LARGE1: variants seen among roughly 807,000 people sequenced by gnomAD.
LARGE1 encodes the protein xylosyl- and glucuronyltransferase LARGE1.
A neutral mutation model predicts 87.6 loss-of-function variants in LARGE1; 43 were observed. The ratio of observed to expected loss-of-function variants is 0.49; its 90% confidence interval spans 0.38 to 0.63. LARGE1 has a LOEUF of 0.63. Among genes scored for constraint, LARGE1 ranks in the 30% least tolerant of loss-of-function variants. The probability of loss-of-function intolerance (pLI) is 0.00; values close to 1 mark genes in which losing one functional copy is unlikely to be tolerated. For missense variants in LARGE1, 802 were observed against 1,000.2 expected, an observed-to-expected ratio of 0.80 and a Z score of 2.67; for synonymous variants, 434 against 394.6, an observed-to-expected ratio of 1.10 and a Z score of -1.18.
chr22:33,185,985 T>C lies in LARGE1; in HGVS notation c.1731-19153A>G, dbSNP rs767837149. Among the ~76,000 whole-genome samples, 12 of 151,998 alleles carry C rather than the reference T, an allele frequency of 7.9e-5. 1 individual carries two copies. The highest frequency in any genetic ancestry group is 4.1e-4 in the South Asian group (2 of 4,830). On this transcript the variant is annotated intron_variant, in intron 11 of 11. Coordinates refer to the LARGE1 transcript ENST00000608642. ...CTTATCAAACCAGCACAAGATAAAA[T>C]AGAAAATCTGAATTACTCTGTAGCT...
At chr22:33,485,464 C>T (rs1490364090) in intron 6 of LARGE1, among the ~76,000 whole-genome samples, 1 of 152,122 alleles carries the variant, frequency 6.6e-6, no homozygotes, top group African/African-American at 2.4e-5. Context: ...TCTGCCACCC[C>T]CTCGGCCTCC....
intron 1 of LARGE1, among the ~76,000 whole-genome samples, chr22:33,809,063 G>A (rs2086407793): frequency 6.6e-6 from 1 of 150,874 alleles, no homozygotes. Context: ...CCCGAGGTCA[G>A]GAGTTCAAGA....
chr22:33,277,339 G>T, intron 13 of LARGE1, 84 bp from the exon 14 acceptor site: 1 of 1,267,410 alleles, frequency 7.9e-7, no homozygotes, highest in South Asian at 1.3e-5. Context: ...AAGAAGGGGT[G>T]TACACTGATG....
chr22:33,616,581 T>C (rs2079588465), intron 4 of LARGE1, among the ~76,000 whole-genome samples: 1 of 151,350 alleles, frequency 6.6e-6, no homozygotes, highest in Non-Finnish European at 1.5e-5. Context: ...CATCAGCTGA[T>C]GAATGGATAA....
chr22:33,394,835 G>C (rs1280688017), intron 7 of LARGE1, among the ~76,000 whole-genome samples: 1 of 151,964 alleles, frequency 6.6e-6, no homozygotes, highest in Non-Finnish European at 1.5e-5. Context: ...GTAGCTCCTG[G>C]AGGAGCAGTA....
intron 6 of LARGE1, among the ~76,000 whole-genome samples, chr22:33,513,099 C>T (rs1478326547): frequency 6.6e-6 from 1 of 152,100 alleles, no homozygotes; most frequent in East Asian, 1.9e-4. Flanking sequence ...GGAAGCACGG[C>T]TGTCAGGATG....
intron 3 of LARGE1, among the ~76,000 whole-genome samples, chr22:33,644,517 T>A (rs560576289): frequency 6.6e-6 from 1 of 152,160 alleles, no homozygotes; most frequent in Non-Finnish European, 1.5e-5. Context: ...AAGGATGCCC[T>A]CTCTCATCAC....
intron 1 of LARGE1, among the ~76,000 whole-genome samples, chr22:33,808,303 T>C (rs576264430): frequency 6.6e-6 from 1 of 152,346 alleles, no homozygotes; most frequent in East Asian, 1.9e-4. Context: ...CATATTTTCT[T>C]TGGGGAGGTA....
At chr22:33,813,826 T>G (rs187061753) in intron 1 of LARGE1, among the ~76,000 whole-genome samples, 1 of 152,240 alleles carries the variant, frequency 6.6e-6, no homozygotes, top group Admixed American at 6.5e-5. Flanking sequence ...AAATACCTTA[T>G]AGGAAAATCT....
At chr22:33,823,960 T>C (rs2062709559) in intron 1 of LARGE1, among the ~76,000 whole-genome samples, 1 of 152,168 alleles carries the variant, frequency 6.6e-6, no homozygotes, top group Non-Finnish European at 1.5e-5. Context: ...ATAGTAATTA[T>C]TGCCATTAGC....
chr22:33,309,976 C>T (rs1357237836), intron 11 of LARGE1, among the ~76,000 whole-genome samples: 1 of 152,100 alleles, frequency 6.6e-6, no homozygotes, highest in Non-Finnish European at 1.5e-5. Context: ...TTTAAAACAT[C>T]GCTCTGCCTG....
At chr22:33,674,054 C>G (rs2081495332) in intron 2 of LARGE1, among the ~76,000 whole-genome samples, 1 of 152,168 alleles carries the variant, frequency 6.6e-6, no homozygotes, top group African/African-American at 2.4e-5. Context: ...TGTGATCCAC[C>G]TGCCTCAGCC....
chr22:33,303,437 G>C (rs966883389), intron 12 of LARGE1, among the ~76,000 whole-genome samples: 7 of 152,144 alleles, frequency 4.6e-5, no homozygotes, highest in African/African-American at 1.7e-4. Flanking sequence ...AGGGACTTTG[G>C]GGGAGGAAAT....
At chr22:33,463,426 A>T (rs2068459553) in intron 6 of LARGE1, among the ~76,000 whole-genome samples, 1 of 152,220 alleles carries the variant, frequency 6.6e-6, no homozygotes, top group African/African-American at 2.4e-5. Flanking sequence ...TTTAAGGGGA[A>T]TATTGCAAAA....
intron 5 of LARGE1, among the ~76,000 whole-genome samples, chr22:33,581,704 C>T (rs1252232685): frequency 1.3e-5 from 2 of 150,694 alleles, no homozygotes; most frequent in Non-Finnish European, 1.5e-5. Context: ...CCCAGCTACT[C>T]AGGAAGCTGA....
chr22:33,486,518 CAGAG>C (rs2069580960), intron 6 of LARGE1, among the ~76,000 whole-genome samples: 1 of 144,952 alleles, frequency 6.9e-6, no homozygotes, highest in African/African-American at 2.6e-5. Flanking sequence ...ACAGAAGAGA[CAGAG>C]AGAGAGACAG....
At chr22:33,463,775 T>C (rs573179132) in intron 6 of LARGE1, among the ~76,000 whole-genome samples, 4 of 152,054 alleles carry the variant, frequency 2.6e-5, no homozygotes, top group Non-Finnish European at 5.9e-5. Context: ...CAGGTTCAAG[T>C]GATTCTCCTG....
At chr22:33,502,253 G>A (rs2070484384) in intron 6 of LARGE1, among the ~76,000 whole-genome samples, 1 of 151,818 alleles carries the variant, frequency 6.6e-6, no homozygotes, top group African/African-American at 2.4e-5. Context: ...TCCCCAGGCA[G>A]TGACAGCGGC....
intron 1 of LARGE1, among the ~76,000 whole-genome samples, chr22:33,909,401 C>T (rs1022198226): frequency 6.6e-6 from 1 of 152,182 alleles, no homozygotes; most frequent in Admixed American, 6.5e-5. Context: ...TTCAATTTGT[C>T]CCAGGCACGA....
Sources: allele counts gnomAD v4.1 joint callset (sites outside exome capture counted in the v4.1 genomes callset), GRCh38; gene constraint gnomAD v4.1.1; transcripts MANE v1.5; gene names NCBI Gene and HGNC (gene_info 2026-07-23, HGNC 2026-07-21).